DCDC1: variants seen among roughly 807,000 people sequenced by gnomAD.
DCDC1 encodes the protein doublecortin domain containing 1, also known as doublecortin domain-containing protein 1.
A neutral mutation model predicts 178.3 loss-of-function variants in DCDC1; 200 were observed. The observed-to-expected ratio is 1.12, with a 90% CI of 1.00 to 1.26. The LOEUF is 1.26. DCDC1 is among the 50% of genes most tolerant of loss of function. The probability of loss-of-function intolerance (pLI) is 0.00; values close to 1 mark genes in which losing one functional copy is unlikely to be tolerated. For synonymous variants in DCDC1, 690 were observed against 604.8 expected, an observed-to-expected ratio of 1.14 and a Z score of -2.07; for missense variants, 1,983 against 1,749.2, an observed-to-expected ratio of 1.13 and a Z score of -2.38.
At chr11:31,133,440 G>A (rs764071684) in intron 10 of DCDC1, among the ~76,000 whole-genome samples, 1 of 152,198 alleles carries the variant, frequency 6.6e-6, no homozygotes, top group Non-Finnish European at 1.5e-5. Flanking sequence ...AAAGGAGGCA[G>A]GGAAATAAAA....
rs145828592 is a variant in DCDC1, at chr11:31,041,170, A to T, written c.2591+23299T>A. Among the ~76,000 whole-genome samples the T allele has an allele frequency of 1.9e-3, 294 of 152,334 alleles. 1 individual carries two copies. Among genetic ancestry groups the T allele is most frequent in the African/African-American group, 6.8e-3 (282 of 41,576 alleles). On this transcript the variant is annotated intron_variant, in intron 20 of 38. Transcript: ENST00000684477. ...GGGACAGGAGTGAAAGATCTGGGAC[A>T]GTCCCTGTCCTCATTCAGGGAGGGC...
intron 23 of DCDC1, 64 bp downstream of exon 23, chr11:30,925,245 G>T (rs565226438): frequency 7.3e-7 from 1 of 1,361,678 alleles, no homozygotes; most frequent in South Asian, 1.2e-5. Flanking sequence ...TATATTTAAG[G>T]GGATTCTTTC....
chr11:31,152,499 A>G (rs1174013981), intron 9 of DCDC1, among the ~76,000 whole-genome samples: 2 of 152,214 alleles, frequency 1.3e-5, no homozygotes, highest in Non-Finnish European at 2.9e-5. Context: ...GATAACAAGT[A>G]AATTCTAGGA....
intron 7 of DCDC1, chr11:31,280,969 C>T (rs900566613): frequency 4.8e-6 from 3 of 627,478 alleles, no homozygotes; most frequent in Non-Finnish European, 9.0e-6. Context: ...CTCTTCTTGC[C>T]TTTCTCAACA....
chr11:31,213,457 C>T (rs1278024925), intron 9 of DCDC1, among the ~76,000 whole-genome samples: 1 of 151,984 alleles, frequency 6.6e-6, no homozygotes, highest in Non-Finnish European at 1.5e-5. Context: ...GGTGGCTTAT[C>T]ATGTCTGTAA....
At chr11:31,100,677 C>G (rs654016) in intron 15 of DCDC1, among the ~76,000 whole-genome samples, 74,283 of 151,898 alleles carry the variant, frequency 0.49, 18,420 homozygotes, top group African/African-American at 0.57. Context: ...CTGTAATGTA[C>G]AGTATACAGA....
chr11:31,079,976 T>A (rs563331625), intron 17 of DCDC1, among the ~76,000 whole-genome samples: 1 of 152,252 alleles, frequency 6.6e-6, no homozygotes, highest in Admixed American at 6.5e-5. Flanking sequence ...AAATAAAATA[T>A]CTTTCAGGGT....
At chr11:31,258,732 A>G (rs893094824) in intron 8 of DCDC1, among the ~76,000 whole-genome samples, 1 of 152,166 alleles carries the variant, frequency 6.6e-6, no homozygotes, top group African/African-American at 2.4e-5. Flanking sequence ...TTATTCTACA[A>G]TTGGAACTGA....
At chr11:31,061,733 C>A (rs1433342819) in intron 20 of DCDC1, among the ~76,000 whole-genome samples, 1 of 151,936 alleles carries the variant, frequency 6.6e-6, no homozygotes, top group African/African-American at 2.4e-5. Context: ...CTAAGTAAAA[C>A]CCCTATTAAA....
In DCDC1 at chr11:30,916,940, C is replaced by T. The variant is rs1945883257; in HGVS notation, c.3382G>A (p.Glu1128Lys). The T allele has an allele frequency of 6.2e-7, 1 of 1,610,914 alleles. No individual in the cohort carries two copies. The highest frequency in any genetic ancestry group is 1.3e-5 in the African/African-American group (1 of 74,898). Residue 1128 changes from glutamate to lysine, a missense_variant, in exon 26 of 39, where the codon GAG becomes AAG. Transcript: ENST00000684477. ...AWQETSHDFD[E>K]DDSLPKKTEK... is the part of the protein sequence containing the mutation. ...GTTTTCTTTGGAAGACTGTCATCCT[C>T]ATCAAAGTCATGTGAAGTTTCCTGC...
At chr11:31,263,148 C>G (rs912463722) in intron 8 of DCDC1, 4 of 1,471,328 alleles carry the variant, frequency 2.7e-6, no homozygotes, top group Non-Finnish European at 2.8e-6. Context: ...AATCTTTCAT[C>G]TTAACGAAGA....
intron 16 of DCDC1, among the ~76,000 whole-genome samples, chr11:31,093,109 TA>T (rs2135677841): frequency 6.6e-6 from 1 of 152,286 alleles, no homozygotes; most frequent in South Asian, 2.1e-4. Flanking sequence ...AAATACCATG[TA>T]AAAAGGGCAA....
intron 9 of DCDC1, among the ~76,000 whole-genome samples, chr11:31,147,693 A>C (rs752974768): frequency 7.2e-5 from 11 of 152,334 alleles, no homozygotes; most frequent in Admixed American, 1.3e-4. Context: ...GACATATGTG[A>C]CATATCTATT....
At chr11:30,927,743 GA>G (rs1453619595) in intron 22 of DCDC1, among the ~76,000 whole-genome samples, 1 of 152,042 alleles carries the variant, frequency 6.6e-6, no homozygotes, top group Non-Finnish European at 1.5e-5. Context: ...TTTGTACATG[GA>G]AAAATCAACA....
chr11:31,205,236 G>A (rs1340456336), intron 9 of DCDC1, among the ~76,000 whole-genome samples: 3 of 152,070 alleles, frequency 2.0e-5, no homozygotes, highest in Non-Finnish European at 4.4e-5. Flanking sequence ...TTTTATTTAC[G>A]TATTGTCTAT....
At position 30,881,293 on chromosome 11, in the gene DCDC1, A is replaced by G. The variant is rs117958049; in HGVS notation, c.5098T>C (p.Ser1700Pro). 3.5e-4 allele frequency: 559 copies of G among 1,613,334 alleles called. 6 individuals carry two copies. The East Asian group carries it at 9.3e-3, about 27-fold the overall frequency. Residue 1700 changes from serine (S) to proline (P), a missense_variant, in exon 37 of 39, where the codon TCC becomes CCC. Coordinates refer to ENST00000684477, the MANE Select transcript of DCDC1 (RefSeq NM_001387274.1). The stretch of plus-strand genomic sequence containing the variant: ...GGGTGGGTCATTTTGAGACGAGAGG[A>G]GCAGTCTTGCAGCAGCTGAGACACA... ...KTISELLQDC[S>P]SRLKMTHPAR...
intron 36 of DCDC1, among the ~76,000 whole-genome samples, chr11:30,884,788 T>A (rs1192081995): frequency 6.6e-6 from 1 of 151,996 alleles, no homozygotes; most frequent in African/African-American, 2.4e-5. Flanking sequence ...CATATTTTAG[T>A]ATATGTAAAA....
chr11:31,147,735 A>T (rs1233032221), intron 9 of DCDC1, among the ~76,000 whole-genome samples: 1 of 152,202 alleles, frequency 6.6e-6, no homozygotes, highest in African/African-American at 2.4e-5. Context: ...ATGGGAGCTG[A>T]TCCAGGCTAA....
intron 17 of DCDC1, among the ~76,000 whole-genome samples, chr11:31,090,792 A>T (rs1447478509): frequency 6.6e-6 from 1 of 152,180 alleles, no homozygotes; most frequent in Non-Finnish European, 1.5e-5. Context: ...TATGATAGAA[A>T]TTGTTTTTTT....
Sources: allele counts gnomAD v4.1 joint callset (sites outside exome capture counted in the v4.1 genomes callset), GRCh38; gene constraint gnomAD v4.1.1; transcripts MANE v1.5; gene names NCBI Gene and HGNC (gene_info 2026-07-23, HGNC 2026-07-21).